Variants in QNG1 observed in about 807,000 individuals in gnomAD.
QNG1 encodes the protein Q-nucleotide N-glycosylase 1, also known as queuosine 5'-phosphate N-glycosylase/hydrolase.
chr9:83,948,340 GGA>G, the QNG1 span, among the ~76,000 whole-genome samples: 1 of 103,058 alleles, frequency 9.7e-6, no homozygotes, highest in African/African-American at 2.7e-5. Context: ...TGGGAAGTGA[GGA>G]GGGTCTCCGC....
At chr9:83,939,551 T>C in the QNG1 span, 1 of 1,614,076 alleles carries the variant, frequency 6.2e-7, no homozygotes, top group South Asian at 1.1e-5. Context: ...CGGAATTCCT[T>C]TCATATCTTC....
chr9:83,944,986 T>C, the QNG1 span: 19 of 1,597,498 alleles, frequency 1.2e-5, no homozygotes, highest in Non-Finnish European at 1.5e-5. Context: ...GAAACTCTTT[T>C]CCCCTGATGA....
chr9:83,953,599 GC>G, the QNG1 span: 1 of 495,960 alleles, frequency 2.0e-6, no homozygotes. Flanking sequence ...ACCCGCCTTG[GC>G]CCCCCAAAGT....
At chr9:83,950,204 C>T in the QNG1 span, among the ~76,000 whole-genome samples, 4 of 152,026 alleles carry the variant, frequency 2.6e-5, no homozygotes, top group Non-Finnish European at 5.9e-5. Flanking sequence ...TGGGCGCCAA[C>T]ACGCCTGGCT....
chr9:83,939,690 G>C, the QNG1 span: 1 of 1,614,106 alleles, frequency 6.2e-7, no homozygotes. Flanking sequence ...ACACACCAAA[G>C]CGAGCACCCT....
chr9:83,939,345 T>G, the QNG1 span: 5 of 593,842 alleles, frequency 8.4e-6, no homozygotes, highest in African/African-American at 7.5e-5. Flanking sequence ...GTGCTGGGAT[T>G]ACAGGCATAA....
the QNG1 span, among the ~76,000 whole-genome samples, chr9:83,952,772 G>A: frequency 6.0e-5 from 9 of 148,984 alleles, no homozygotes; most frequent in African/African-American, 2.2e-4. Context: ...TCCAGCCTGG[G>A]TGACAGAGCA....
chr9:83,949,443 A>C, the QNG1 span, among the ~76,000 whole-genome samples: 1 of 152,214 alleles, frequency 6.6e-6, no homozygotes. Flanking sequence ...TGGGAGTTTG[A>C]AACCAGCCTG....
At chr9:83,938,858 C>T in the QNG1 span, 1 of 152,294 alleles carries the variant, frequency 6.6e-6, no homozygotes, top group African/African-American at 2.4e-5. Flanking sequence ...ATCCACCCTC[C>T]TCAGCCTCAG....
chr9:83,940,055 T>C, the QNG1 span, among the ~76,000 whole-genome samples: 11 of 152,270 alleles, frequency 7.2e-5, no homozygotes, highest in African/African-American at 2.2e-4. Context: ...AATTTAAAAC[T>C]ATGACTGCTA....
the QNG1 span, chr9:83,944,745 G>T: frequency 2.1e-6 from 3 of 1,409,116 alleles, no homozygotes; most frequent in African/African-American, 2.9e-5. Flanking sequence ...AAACTAAACC[G>T]AGATCCAACA....
the QNG1 span, chr9:83,939,807 C>T: frequency 1.9e-6 from 2 of 1,074,968 alleles, no homozygotes; most frequent in African/African-American, 1.6e-5. Context: ...CTTGAACTTT[C>T]CTGTAGAACA....
At chr9:83,943,107 T>C in the QNG1 span, among the ~76,000 whole-genome samples, 8 of 152,006 alleles carry the variant, frequency 5.3e-5, no homozygotes, top group Non-Finnish European at 1.2e-4. Context: ...TTTGGGAGGC[T>C]GAGGAGGGTG....
At chr9:83,938,937 GGGGGTCTCCC>G in the QNG1 span, 8 of 153,338 alleles carry the variant, frequency 5.2e-5, no homozygotes, top group Admixed American at 3.9e-4. Context: ...TTGTAGAGAT[GGGGGTCTCCC>G]TATGTTGCCT....
chr9:83,939,534 G>C, the QNG1 span: 2 of 1,612,852 alleles, frequency 1.2e-6, no homozygotes, highest in Non-Finnish European at 1.7e-6. Flanking sequence ...CAACGTATGC[G>C]ATGAAACGGA....
the QNG1 span, chr9:83,955,438 C>G: frequency 6.2e-7 from 1 of 1,614,202 alleles, no homozygotes. Context: ...GGTGCATTAA[C>G]TTCTGCGCAC....
At chr9:83,944,912 A>G in the QNG1 span, 40 of 1,614,030 alleles carry the variant, frequency 2.5e-5, no homozygotes, top group Non-Finnish European at 3.2e-5. Flanking sequence ...TGAAGCAGCC[A>G]TCTCCTTTTC....
At chr9:83,944,011 A>C in the QNG1 span, among the ~76,000 whole-genome samples, 2 of 151,742 alleles carry the variant, frequency 1.3e-5, no homozygotes, top group Non-Finnish European at 2.9e-5. Flanking sequence ...ACAGAGTGAG[A>C]CTCCGTCTCA....
chr9:83,955,808 C>T, the QNG1 span, among the ~76,000 whole-genome samples: 1 of 152,180 alleles, frequency 6.6e-6, no homozygotes, highest in African/African-American at 2.4e-5. Flanking sequence ...ACTTGTTCAT[C>T]TGTACTTATT....
Sources: gnomAD v4.1 joint callset for allele counts (sites outside exome capture counted in the v4.1 genomes callset) on GRCh38, gnomAD v4.1.1 for gene constraint, MANE v1.5 for transcripts, NCBI Gene and HGNC (gene_info 2026-07-23, HGNC 2026-07-21) for gene names.